DGUOK: variants seen among roughly 807,000 people sequenced by gnomAD.
The protein encoded by DGUOK is deoxyguanosine kinase.
Under a neutral mutation model 36.6 loss-of-function variants are expected in DGUOK, and 30 were observed. The observed-to-expected ratio is 0.82, with a 90% CI of 0.61 to 1.11. The LOEUF is 1.11. Ranked by LOEUF, DGUOK falls within the 50% of genes most tolerant of loss-of-function variation. The pLI, the probability that DGUOK is intolerant of heterozygous loss-of-function variation, is 0.00. For synonymous variants in DGUOK, 145 were observed against 126.3 expected, an observed-to-expected ratio of 1.15 and a Z score of -0.99; for missense variants, 361 against 336.4, an observed-to-expected ratio of 1.07 and a Z score of -0.57.
At chr2:73,927,187 C>T (rs1680664215) in intron 1 of DGUOK, 135 bp downstream of exon 1, 5 of 1,251,336 alleles carry the variant, frequency 4.0e-6, no homozygotes, top group Non-Finnish European at 5.6e-6. Flanking sequence ...GAGAGCCTTT[C>T]CCCTCGCAAA....
chr2:73,929,037 A>G (rs1057423470), intron 1 of DGUOK, among the ~76,000 whole-genome samples: 5 of 152,174 alleles, frequency 3.3e-5, no homozygotes, highest in Admixed American at 6.5e-5. Context: ...TGATGACTCC[A>G]ATTATTTTGA....
chr2:73,940,512 G>C (rs1458191388), intron 2 of DGUOK, among the ~76,000 whole-genome samples: 3 of 152,152 alleles, frequency 2.0e-5, no homozygotes, highest in African/African-American at 2.4e-5. Flanking sequence ...ATGTGTGCCT[G>C]TGTGTGTATT....
chr2:73,946,798 C>T lies in DGUOK; in HGVS notation c.335C>T (p.Thr112Ile). 1 of 1,614,108 alleles carries T rather than the reference C, an allele frequency of 6.2e-7. No homozygotes were observed. Among genetic ancestry groups the T allele is most frequent in the Non-Finnish European group, 8.5e-7 (1 of 1,180,016 alleles). Residue 112 changes from threonine (T) to isoleucine (I), a missense_variant, in exon 3 of 7, where the codon ACA becomes ATA. Coordinates refer to ENST00000264093, the MANE Select transcript of DGUOK (RefSeq NM_080916.3). ...GCACGATGGTCCTACACATTCCAGACATTTTCCTTTTTGAGCCGCCTGAAA... is the reference window on the plus strand; with the variant it reads ...GCACGATGGTCCTACACATTCCAGATATTTTCCTTTTTGAGCCGCCTGAAA... ...EPARWSYTFQ[T>I]FSFLSRLKVQ...
intron 2 of DGUOK, among the ~76,000 whole-genome samples, chr2:73,942,878 G>A (rs1211614836): frequency 6.6e-6 from 1 of 152,156 alleles, no homozygotes; most frequent in Non-Finnish European, 1.5e-5. Flanking sequence ...TACTAGAATA[G>A]TAACTGTTTT....
intron 4 of DGUOK, among the ~76,000 whole-genome samples, chr2:73,951,335 A>AGTG (rs984286322): frequency 1.3e-5 from 2 of 151,968 alleles, no homozygotes; most frequent in African/African-American, 4.8e-5. Flanking sequence ...GCTGACTGGT[A>AGTG]GTGACCTTGG....
Position 73,926,884 on chromosome 2 carries a change from G to T in DGUOK, c.-27G>T. 1 of 1,612,982 alleles carries T rather than the reference G, an allele frequency of 6.2e-7. No homozygotes were observed. The highest frequency in any genetic ancestry group is 8.5e-7 in the Non-Finnish European group (1 of 1,180,006). On this transcript the variant is annotated 5_prime_UTR_variant, in exon 1 of 7. Coordinates refer to ENST00000264093, the MANE Select transcript of DGUOK (RefSeq NM_080916.3). The stretch of plus-strand genomic sequence containing the variant: ...TAGGGCGGAAGTGCTCTCGGCGGAA[G>T]TGATCGCTGTGTGAATCGTGGGTGG...
At chr2:73,955,302 CAGAA>C (rs943005947) in intron 4 of DGUOK, among the ~76,000 whole-genome samples, 4 of 151,974 alleles carry the variant, frequency 2.6e-5, no homozygotes, top group Non-Finnish European at 1.5e-5. Context: ...TTTTTTTTCT[CAGAA>C]AGGAAAATGA....
At chr2:73,957,985 T>C (rs1229365773) in intron 5 of DGUOK, 161 bp from the exon 6 acceptor site, 9 of 601,916 alleles carry the variant, frequency 1.5e-5, no homozygotes, top group Non-Finnish European at 2.7e-5. Context: ...TCCGGCCAAC[T>C]TTATTGAATT....
chr2:73,939,060 G>A (rs771674360), intron 2 of DGUOK, 38 bp downstream of exon 2: 2 of 1,310,166 alleles, frequency 1.5e-6, no homozygotes, highest in South Asian at 1.2e-5. Context: ...GGCAGGCATG[G>A]GTGAATAATC....
At chr2:73,956,352 A>T (rs764952439) in intron 4 of DGUOK, among the ~76,000 whole-genome samples, 16 of 152,188 alleles carry the variant, frequency 1.1e-4, no homozygotes, top group Non-Finnish European at 1.8e-4. Flanking sequence ...ATTTCAAATT[A>T]CCTAACATTT....
At chr2:73,952,575 A>G (rs888459416) in intron 4 of DGUOK, among the ~76,000 whole-genome samples, 6 of 152,230 alleles carry the variant, frequency 3.9e-5, no homozygotes, top group African/African-American at 1.4e-4. Flanking sequence ...GAGTCTTGGG[A>G]TGGCTGGACT....
At chr2:73,948,902 C>T (rs577417596) in intron 3 of DGUOK, among the ~76,000 whole-genome samples, 1 of 152,288 alleles carries the variant, frequency 6.6e-6, no homozygotes, top group Admixed American at 6.5e-5. Context: ...TCAAGAAAGC[C>T]AAGAACCCCT....
At chr2:73,955,740 G>A (rs991291813) in intron 4 of DGUOK, among the ~76,000 whole-genome samples, 3 of 152,112 alleles carry the variant, frequency 2.0e-5, no homozygotes, top group African/African-American at 7.2e-5. Flanking sequence ...TGGGCGTGGT[G>A]GCTCCCGCCT....
intron 4 of DGUOK, among the ~76,000 whole-genome samples, chr2:73,952,826 T>TA (rs750899658): frequency 2.6e-5 from 4 of 152,238 alleles, no homozygotes; most frequent in Non-Finnish European, 5.9e-5. Context: ...AAGAAAGTCT[T>TA]AATTGCTTTT....
At chr2:73,948,355 T>C (rs1682480690) in intron 3 of DGUOK, among the ~76,000 whole-genome samples, 1 of 152,248 alleles carries the variant, frequency 6.6e-6, no homozygotes, top group Admixed American at 6.5e-5. Flanking sequence ...GCATGGATCT[T>C]AACCTTTGCT....
chr2:73,956,047 G>T (rs369516275), intron 4 of DGUOK, among the ~76,000 whole-genome samples: 1 of 152,196 alleles, frequency 6.6e-6, no homozygotes, highest in African/African-American at 2.4e-5. Context: ...TGTTCCCCAG[G>T]AAAGAGGTCA....
At chr2:73,952,280 G>T (rs1411286559) in intron 4 of DGUOK, among the ~76,000 whole-genome samples, 1 of 152,242 alleles carries the variant, frequency 6.6e-6, no homozygotes, top group Non-Finnish European at 1.5e-5. Flanking sequence ...GACAAGGTGG[G>T]TCATGTTTAT....
chr2:73,942,574 TTTATC>T (rs1468716777), intron 2 of DGUOK, among the ~76,000 whole-genome samples: 2 of 145,480 alleles, frequency 1.4e-5, no homozygotes, highest in East Asian at 2.0e-4. Context: ...GATTGTTATA[TTTATC>T]TTATATGATT....
rs1680764157 is a variant in DGUOK, at chr2:73,928,343, G to A, written c.142+1291G>A. 2.0e-5 allele frequency among the ~76,000 whole-genome samples: 3 copies of A among 152,188 alleles called. No homozygotes were observed. The South Asian group carries it at 6.2e-4, about 32-fold the overall frequency. On this transcript the variant is annotated intron_variant, in intron 1 of 6. Coordinates refer to ENST00000264093, the MANE Select transcript of DGUOK (RefSeq NM_080916.3). ...GGGTTTCACCATGTTGGCCAGGCTGGTCTCAAACTCCTAACCTCAGGTGAT... is the reference window on the plus strand; with the variant it reads ...GGGTTTCACCATGTTGGCCAGGCTGATCTCAAACTCCTAACCTCAGGTGAT...
Sources: gnomAD v4.1 joint callset for allele counts (sites outside exome capture counted in the v4.1 genomes callset) on GRCh38, gnomAD v4.1.1 for gene constraint, MANE v1.5 for transcripts, NCBI Gene and HGNC (gene_info 2026-07-23, HGNC 2026-07-21) for gene names.